COTL1: variants seen among roughly 807,000 people sequenced by gnomAD.
The protein encoded by COTL1 is coactosin-like protein.
In COTL1, 15 loss-of-function variants were observed where a neutral mutation model predicts 16.5. The observed-to-expected ratio is 0.91, with a 90% confidence interval of 0.61 to 1.40. The LOEUF is 1.40. COTL1 is among the 40% of genes most tolerant of loss of function. The pLI is 0.00. For synonymous variants in COTL1, 112 were observed against 85.3 expected, an observed-to-expected ratio of 1.31 and a Z score of -1.73; for missense variants, 220 against 201.5, an observed-to-expected ratio of 1.09 and a Z score of -0.56.
intron 3 of COTL1, among the ~76,000 whole-genome samples, chr16:84,571,552 C>T (rs766036069): frequency 6.6e-6 from 1 of 152,192 alleles, no homozygotes; most frequent in African/African-American, 2.4e-5. Context: ...TTTGTGTCTC[C>T]TCCTCGTGCT....
intron 3 of COTL1, among the ~76,000 whole-genome samples, chr16:84,574,040 C>T (rs1235990565): frequency 3.3e-5 from 5 of 152,140 alleles, no homozygotes; most frequent in Non-Finnish European, 7.4e-5. Flanking sequence ...TGGTGGTGTG[C>T]GCCTGTTGTC....
At chr16:84,571,426 C>T (rs544191235) in intron 3 of COTL1, among the ~76,000 whole-genome samples, 6 of 152,124 alleles carry the variant, frequency 3.9e-5, no homozygotes, top group Admixed American at 2.6e-4. Flanking sequence ...AACTGAGGCT[C>T]GGCGAGTGAC....
Position 84,597,846 on chromosome 16 carries a change from A to G in COTL1, c.161-7584T>C, listed in dbSNP as rs537229562. On this transcript the variant is annotated intron_variant, in intron 2 of 3. Transcript: ENST00000262428. ...CAAAGACCACCAGGACAGTCCCTCCAGTGCTCCCTCCCCAAAATCCCACAC... is the reference window on the plus strand; with the variant it reads ...CAAAGACCACCAGGACAGTCCCTCCGGTGCTCCCTCCCCAAAATCCCACAC... Among the ~76,000 whole-genome samples the G allele has an allele frequency of 6.6e-5, 10 of 152,278 alleles. No individual in the cohort carries two copies. In the South Asian group the frequency reaches 1.9e-3, roughly 28 times the overall value.
chr16:84,603,509 G>A (rs1157185785), intron 2 of COTL1, among the ~76,000 whole-genome samples: 2 of 152,174 alleles, frequency 1.3e-5, no homozygotes, highest in Admixed American at 6.5e-5. Context: ...CGGTGACACA[G>A]CACGTTGATC....
At chr16:84,606,139 C>T (rs938703325) in intron 2 of COTL1, among the ~76,000 whole-genome samples, 10 of 152,240 alleles carry the variant, frequency 6.6e-5, no homozygotes, top group African/African-American at 1.9e-4. Flanking sequence ...AAAAACCAGC[C>T]TCTGGGGACC....
At chr16:84,593,515 C>CT (rs11421532) in intron 2 of COTL1, among the ~76,000 whole-genome samples, 80,692 of 139,532 alleles carry the variant, frequency 0.58, 22,276 homozygotes, top group South Asian at 0.72. Context: ...ATTTTAACCA[C>CT]TTTTTTTTTT....
rs1904824369 is a variant in COTL1 at position 84,590,113 on chromosome 16, C to T, written c.310G>A (p.Val104Ile). 3.1e-6 allele frequency: 5 copies of T among 1,613,446 alleles called. No homozygotes were observed. Among genetic ancestry groups the T allele is most frequent in the Admixed American group, 1.7e-5 (1 of 59,962 alleles). Reference sequence around the variant, plus strand: ...CTGGAGGAACTCAGTACCTGTACGACCTCCTTCACCAGGGTCTTGTCCGTC... The same window carrying T: ...CTGGAGGAACTCAGTACCTGTACGATCTCCTTCACCAGGGTCTTGTCCGTC... ...TGTDKTLVKE[V>I]VQNFAKEFVI... The change falls in exon 3 of 4, where the codon GTC becomes ATC. Residue 104 changes from valine to isoleucine, a missense_variant. Val to Ile is a conservative substitution (Grantham distance 29). Transcript: ENST00000262428. This position sits in a 1 kb window ranked among gnomAD's most constrained non-coding sequence, Gnocchi z 5.5.
intron 2 of COTL1, chr16:84,596,351 C>G (rs747766936): frequency 1.3e-5 from 2 of 152,284 alleles, no homozygotes; most frequent in Non-Finnish European, 2.9e-5. Flanking sequence ...AGCCCAGAGT[C>G]CTGAATGTCT....
chr16:84,603,453 T>C lies in COTL1; in HGVS notation c.161-13191A>G, dbSNP rs575191402. Among the ~76,000 whole-genome samples the C allele has an allele frequency of 4.6e-5, 7 of 152,192 alleles. No individual in the cohort carries two copies. The South Asian group carries it at 1.2e-3, about 27-fold the overall frequency. ...CTGCCGTAAACACAGGGGGACCCAC[T>C]GAGAGCCCAGGGGACCAGCAAGCCT... On this transcript the variant is annotated intron_variant, in intron 2 of 3. Coordinates refer to ENST00000262428, the MANE Select transcript of COTL1 (RefSeq NM_021149.5).
At chr16:84,598,879 C>T (rs1905059831) in intron 2 of COTL1, among the ~76,000 whole-genome samples, 1 of 151,018 alleles carries the variant, frequency 6.6e-6, no homozygotes, top group Non-Finnish European at 1.5e-5. Flanking sequence ...CAGGCTGGAG[C>T]TGCTGGGCAG....
intron 3 of COTL1, among the ~76,000 whole-genome samples, chr16:84,583,342 ATTG>A (rs1904644398): frequency 6.6e-6 from 1 of 152,158 alleles, no homozygotes; most frequent in African/African-American, 2.4e-5. Context: ...CAATAAAACT[ATTG>A]TTATTCATAT....
chr16:84,610,656 G>T (rs558184952), intron 2 of COTL1, among the ~76,000 whole-genome samples: 1 of 152,128 alleles, frequency 6.6e-6, no homozygotes. Context: ...ACTCTCACAG[G>T]AACTACATTG....
Position 84,566,062 on chromosome 16 carries a change from C to T in COTL1, c.*783G>A, listed in dbSNP as rs1323656296. The T allele has an allele frequency of 6.5e-6, 1 of 152,726 alleles. No homozygotes were observed. Among genetic ancestry groups the T allele is most frequent in the African/African-American group, 2.4e-5 (1 of 41,468 alleles). The allele number at this position is 152,726 out of a possible 1,614,324, so 9.5% of individuals were successfully genotyped here. A position where few individuals can be genotyped will look rare whatever the true frequency, so the allele number is the denominator to read the frequency against. Reference sequence around the variant, plus strand: ...AACCCTGAAATACTCCCTCCGTCAACTCTGGGCTCAGACCTTTGCCCTTCT... The same window carrying T: ...AACCCTGAAATACTCCCTCCGTCAATTCTGGGCTCAGACCTTTGCCCTTCT... On this transcript the variant is annotated 3_prime_UTR_variant, in exon 4 of 4. Transcript: ENST00000262428.
chr16:84,613,338 A>G (rs2150698042), intron 2 of COTL1, among the ~76,000 whole-genome samples: 1 of 152,286 alleles, frequency 6.6e-6, no homozygotes, highest in African/African-American at 2.4e-5. Context: ...CAGAGTTGAA[A>G]TGAAGAAGGA....
intron 3 of COTL1, among the ~76,000 whole-genome samples, chr16:84,571,917 C>T (rs1904344039): frequency 2.0e-5 from 3 of 152,200 alleles, no homozygotes; most frequent in African/African-American, 7.2e-5. Context: ...TAGCAGGCCT[C>T]CATCCTACAC....
At chr16:84,587,339 T>C (rs1904757040) in intron 3 of COTL1, among the ~76,000 whole-genome samples, 3 of 152,170 alleles carry the variant, frequency 2.0e-5, no homozygotes, top group Admixed American at 2.0e-4. Context: ...GCCCATACCT[T>C]TTAAAAATGA....
chr16:84,603,911 G>A (rs1427271779), intron 2 of COTL1, among the ~76,000 whole-genome samples: 3 of 151,434 alleles, frequency 2.0e-5, no homozygotes, highest in East Asian at 1.9e-4. Flanking sequence ...CATGGCTCCC[G>A]GGGCCACTGC....
intron 3 of COTL1, among the ~76,000 whole-genome samples, chr16:84,585,259 G>C (rs1904690765): frequency 6.6e-6 from 1 of 151,026 alleles, no homozygotes; most frequent in Non-Finnish European, 1.5e-5. Context: ...AGAGGCTGAA[G>C]CACCAGAATT....
chr16:84,616,338 C>T (rs1241162802), intron 2 of COTL1: 1 of 152,032 alleles, frequency 6.6e-6, no homozygotes, highest in Non-Finnish European at 1.5e-5. Flanking sequence ...CCCATCTCTA[C>T]TAAAATTACA....
Sources: gnomAD v4.1 joint callset for allele counts (sites outside exome capture counted in the v4.1 genomes callset) on GRCh38, gnomAD v4.1.1 for gene constraint, Gnocchi (gnomAD v3.1) non-coding constraint, MANE v1.5 for transcripts, NCBI Gene and HGNC (gene_info 2026-07-23, HGNC 2026-07-21) for gene names.